Variants in NELL1 observed in about 807,000 individuals in gnomAD.
NELL1 encodes protein kinase C-binding protein NELL1.
A neutral mutation model predicts 107.4 loss-of-function variants in NELL1; 76 were observed. The observed-to-expected ratio is 0.71, with a 90% CI of 0.59 to 0.86. NELL1 has a LOEUF of 0.86. Ranked by LOEUF, NELL1 falls within the 40% of genes least tolerant of loss-of-function variation. NELL1 has a pLI of 0.00. For missense variants in NELL1, 1,024 were observed against 1,005.5 expected (o/e 1.02, Z -0.25); for synonymous variants, 353 against 341.2 (o/e 1.03, Z -0.38).
At chr11:20,970,862 T>A (rs181171037) in intron 12 of NELL1, among the ~76,000 whole-genome samples, 2 of 152,126 alleles carry the variant, frequency 1.3e-5, no homozygotes, top group African/African-American at 4.8e-5. Context: ...ACTGGATCCA[T>A]TGGGTTATGG....
intron 15 of NELL1, among the ~76,000 whole-genome samples, chr11:21,493,119 A>G (rs1000643459): frequency 3.9e-5 from 6 of 152,108 alleles, no homozygotes; most frequent in African/African-American, 1.4e-4. Flanking sequence ...GAGAAAAGGG[A>G]ACTCATACAC....
intron 2 of NELL1, among the ~76,000 whole-genome samples, chr11:20,746,638 T>G (rs1339166074): frequency 6.6e-6 from 1 of 152,016 alleles, no homozygotes; most frequent in African/African-American, 2.4e-5. Flanking sequence ...TTTCTCATCC[T>G]ATTGTTTTTG....
intron 12 of NELL1, among the ~76,000 whole-genome samples, chr11:21,040,029 T>C (rs554420426): frequency 6.6e-6 from 1 of 152,032 alleles, no homozygotes; most frequent in Non-Finnish European, 1.5e-5. Flanking sequence ...ACAGATAAAA[T>C]ATAAATAAAA....
At chr11:20,989,068 AGAC>A (rs1851915704) in intron 12 of NELL1, among the ~76,000 whole-genome samples, 1 of 152,150 alleles carries the variant, frequency 6.6e-6, no homozygotes, top group Non-Finnish European at 1.5e-5. Context: ...TATTGGTGAA[AGAC>A]AGCAAGGTTA....
chr11:21,059,697 A>G (rs929826792), intron 12 of NELL1, among the ~76,000 whole-genome samples: 4 of 152,108 alleles, frequency 2.6e-5, no homozygotes, highest in African/African-American at 9.7e-5. Flanking sequence ...TCTATGCCCT[A>G]TAGGACCCCA....
chr11:21,219,959 C>A (rs1450339764), intron 13 of NELL1, among the ~76,000 whole-genome samples: 3 of 152,096 alleles, frequency 2.0e-5, no homozygotes, highest in African/African-American at 7.2e-5. Flanking sequence ...GCACAACTTG[C>A]AAGACAGGAA....
intron 13 of NELL1, among the ~76,000 whole-genome samples, chr11:21,206,096 C>T (rs1038701833): frequency 2.5e-4 from 38 of 152,124 alleles, no homozygotes; most frequent in African/African-American, 8.7e-4. Flanking sequence ...TTGTCATACA[C>T]TCCATGGCTT....
intron 16 of NELL1, among the ~76,000 whole-genome samples, chr11:21,541,069 G>A (rs1190844761): frequency 6.6e-6 from 1 of 151,898 alleles, no homozygotes; most frequent in Non-Finnish European, 1.5e-5. Context: ...GTACAATTTA[G>A]GTGTTTTTTG....
chr11:21,149,220 C>G (rs1856054728), intron 13 of NELL1, among the ~76,000 whole-genome samples: 1 of 152,166 alleles, frequency 6.6e-6, no homozygotes, highest in Admixed American at 6.5e-5. Context: ...TTAGATACAT[C>G]CCCTCTAACT....
intron 15 of NELL1, among the ~76,000 whole-genome samples, chr11:21,460,214 T>G (rs1590949640): frequency 6.6e-6 from 1 of 151,868 alleles, no homozygotes; most frequent in Non-Finnish European, 1.5e-5. Flanking sequence ...AAAAAATAAA[T>G]GGACAAGCAT....
At chr11:21,305,616 T>C (rs528648054) in intron 14 of NELL1, among the ~76,000 whole-genome samples, 11 of 152,002 alleles carry the variant, frequency 7.2e-5, no homozygotes, top group Non-Finnish European at 1.5e-4. Flanking sequence ...AAACTACATA[T>C]CTAGTAGTGT....
At chr11:21,240,001 G>A (rs1239959876) in intron 14 of NELL1, among the ~76,000 whole-genome samples, 2 of 152,000 alleles carry the variant, frequency 1.3e-5, no homozygotes, top group Non-Finnish European at 2.9e-5. Flanking sequence ...CATGGTCTCT[G>A]GCAAACATGA....
intron 15 of NELL1, among the ~76,000 whole-genome samples, chr11:21,500,173 C>T (rs1226803566): frequency 6.6e-6 from 1 of 152,054 alleles, no homozygotes; most frequent in Non-Finnish European, 1.5e-5. Flanking sequence ...ATCTTGTCTT[C>T]CTTTTGTAGC....
intron 10 of NELL1, among the ~76,000 whole-genome samples, chr11:20,946,783 G>A (rs914335875): frequency 6.6e-6 from 1 of 152,064 alleles, no homozygotes; most frequent in African/African-American, 2.4e-5. Context: ...TATGTTTTGT[G>A]GTTTCTAGTT....
chr11:20,703,188 A>G (rs745682452), intron 2 of NELL1, among the ~76,000 whole-genome samples: 13 of 152,092 alleles, frequency 8.5e-5, no homozygotes, highest in Non-Finnish European at 1.6e-4. Context: ...AGAGCCTGTT[A>G]CTGGTCTATT....
chr11:21,008,628 G>A (rs1310453100), intron 12 of NELL1, among the ~76,000 whole-genome samples: 1 of 152,018 alleles, frequency 6.6e-6, no homozygotes, highest in African/African-American at 2.4e-5. Flanking sequence ...ACAGAAGTGT[G>A]GTGTGGGAGA....
intron 2 of NELL1, among the ~76,000 whole-genome samples, chr11:20,694,019 G>A (rs944891133): frequency 9.9e-5 from 15 of 151,772 alleles, no homozygotes; most frequent in African/African-American, 2.2e-4. Context: ...TTCCCTTCTC[G>A]CTTCATTTCA....
At chr11:21,181,777 T>C (rs1421753799) in intron 13 of NELL1, among the ~76,000 whole-genome samples, 1 of 151,906 alleles carries the variant, frequency 6.6e-6, no homozygotes, top group Non-Finnish European at 1.5e-5. Context: ...AAACCTTAAA[T>C]CTTCATTTAA....
chr11:21,025,593 A>G (rs1194505750), intron 12 of NELL1, among the ~76,000 whole-genome samples: 1 of 152,072 alleles, frequency 6.6e-6, no homozygotes, highest in East Asian at 1.9e-4. Flanking sequence ...CACTTGCCTG[A>G]GTTCTAAACA....
Sources: allele counts gnomAD v4.1 joint callset (sites outside exome capture counted in the v4.1 genomes callset), GRCh38; gene constraint gnomAD v4.1.1; transcripts MANE v1.5; gene names NCBI Gene and HGNC (gene_info 2026-07-23, HGNC 2026-07-21).